The following ZNF346 variants were observed in gnomAD, a reference collection of about 807,000 sequenced individuals.
ZNF346 encodes double-stranded RNA-binding zinc finger protein JAZ.
A neutral mutation model predicts 33.7 loss-of-function variants in ZNF346; 23 were observed. That is an observed-to-expected ratio of 0.68 (90% CI 0.49 to 0.97). ZNF346 has a LOEUF of 0.97. Ranked by LOEUF, ZNF346 falls within the 50% of genes least tolerant of loss-of-function variation. The pLI is 0.00. For synonymous variants in ZNF346, 134 were observed against 142.4 expected, an observed-to-expected ratio of 0.94 and a Z score of 0.42; for missense variants, 340 against 371.1, an observed-to-expected ratio of 0.92 and a Z score of 0.69.
chr5:177,062,560 A>G (rs943976104), intron 6 of ZNF346, among the ~76,000 whole-genome samples: 2 of 152,032 alleles, frequency 1.3e-5, no homozygotes, highest in African/African-American at 4.8e-5. Context: ...TATATTGAGC[A>G]TCTTCTGAAT....
intron 1 of ZNF346, chr5:177,023,233 C>G (rs775140876): frequency 2.5e-5 from 38 of 1,535,396 alleles, no homozygotes; most frequent in Non-Finnish European, 3.1e-5. Context: ...TTTGCCATCC[C>G]GGTAAGCCAA....
Position 177,065,101 on chromosome 5 carries a change from A to C in ZNF346, c.*502A>C, listed in dbSNP as rs548190978. ...AATACGACACTCTGCCTTCCCCCAG[A>C]AGGTGCAGGCTTTCCTGAGTCTTAG... On this transcript the variant is annotated 3_prime_UTR_variant, in exon 7 of 7. Transcript: ENST00000358149. The C allele has an allele frequency of 6.4e-6, 1 of 156,572 alleles. No individual in the cohort carries two copies. The highest frequency in any genetic ancestry group is 1.9e-4 in the East Asian group (1 of 5,346). 9.7% of individuals were successfully genotyped at this position (156,572 alleles called of 1,614,324 possible). A position where few individuals can be genotyped will look rare whatever the true frequency, so the allele number is the denominator to read the frequency against.
intron 1 of ZNF346, among the ~76,000 whole-genome samples, chr5:177,027,366 G>A (rs1450131516): frequency 6.6e-6 from 1 of 151,984 alleles, no homozygotes; most frequent in African/African-American, 2.4e-5. Context: ...GTTATTTTCT[G>A]ACCTGCCTGG....
chr5:177,025,126 C>T (rs1445238870), intron 1 of ZNF346, among the ~76,000 whole-genome samples: 1 of 152,218 alleles, frequency 6.6e-6, no homozygotes, highest in Non-Finnish European at 1.5e-5. Context: ...TCCCCACTCC[C>T]ACCTCCTGCC....
chr5:177,053,859 C>T (rs1781304218), intron 5 of ZNF346, among the ~76,000 whole-genome samples: 1 of 152,156 alleles, frequency 6.6e-6, no homozygotes, highest in Non-Finnish European at 1.5e-5. Context: ...CCATGGATAT[C>T]TGAAATGGTG....
In ZNF346 at chr5:177,050,903, C is replaced by G. The variant is rs758340980; in HGVS notation, c.670C>G (p.Arg224Gly). The G allele has an allele frequency of 6.2e-7, 1 of 1,614,164 alleles. No individual in the cohort carries two copies. The highest frequency in any genetic ancestry group is 2.2e-5 in the East Asian group (1 of 44,880). Residue 224 changes from arginine (R) to glycine (G), a missense_variant, in exon 5 of 7, where the codon CGG becomes GGG. By Grantham distance (125) the Arg-to-Gly change is moderately radical. Coordinates refer to ENST00000358149, the MANE Select transcript of ZNF346 (RefSeq NM_012279.4). The stretch of plus-strand genomic sequence containing the variant: ...GCTCAAACTAATGGCACGCTATGGG[C>G]GGCTGGCGGACCCTGCTGTCACTGA... The part of the protein sequence containing the change: ...TKLKLMARYG[R>G]LADPAVTDFP...
At chr5:177,040,315 G>A (rs1043845151) in intron 1 of ZNF346, among the ~76,000 whole-genome samples, 1 of 152,008 alleles carries the variant, frequency 6.6e-6, no homozygotes, top group Admixed American at 6.6e-5. Context: ...TTCATATAGT[G>A]TGGCACTTAT....
At chr5:177,031,454 TAAG>T (rs763069700) in intron 1 of ZNF346, among the ~76,000 whole-genome samples, 1 of 152,242 alleles carries the variant, frequency 6.6e-6, no homozygotes, top group Non-Finnish European at 1.5e-5. Context: ...TGTTTTCAAA[TAAG>T]AAGTTGTCAT....
chr5:177,055,038 T>G (rs982638192), intron 5 of ZNF346, among the ~76,000 whole-genome samples: 1 of 150,920 alleles, frequency 6.6e-6, no homozygotes, highest in African/African-American at 2.4e-5. Context: ...ACGTAGGTTT[T>G]TTTTTTTTTT....
chr5:177,034,362 T>C, intron 1 of ZNF346, among the ~76,000 whole-genome samples: 1 of 152,022 alleles, frequency 6.6e-6, no homozygotes, highest in East Asian at 1.9e-4. Context: ...TAGCTGGGAC[T>C]GTAGGTGTGC....
chr5:177,035,760 C>T (rs1778414305), intron 1 of ZNF346, among the ~76,000 whole-genome samples: 1 of 32,544 alleles, frequency 3.1e-5, no homozygotes, highest in African/African-American at 2.0e-4. Context: ...CTCAGCCTCC[C>T]AAGTAGCTGG....
intron 1 of ZNF346, among the ~76,000 whole-genome samples, chr5:177,025,342 T>C (rs1395495532): frequency 3.3e-5 from 5 of 151,722 alleles, no homozygotes; most frequent in Non-Finnish European, 7.4e-5. Flanking sequence ...CAGTTTGGAG[T>C]TTTTGTGAAT....
intron 1 of ZNF346, among the ~76,000 whole-genome samples, chr5:177,030,236 G>C (rs1777474698): frequency 1.3e-5 from 2 of 151,962 alleles, no homozygotes; most frequent in Admixed American, 1.3e-4. Context: ...AAATATTTGA[G>C]GATTTCCCAG....
chr5:177,026,352 ATTTTTTTTTTT>A (rs59380094), intron 1 of ZNF346, among the ~76,000 whole-genome samples: 1 of 101,900 alleles, frequency 9.8e-6, no homozygotes, highest in Non-Finnish European at 1.9e-5. Context: ...TGGATTGGTA[ATTTTTTTTTTT>A]TTTTTTTTTT....
chr5:177,076,905 G>A (rs1783777495), intron 8 of ZNF346, among the ~76,000 whole-genome samples: 1 of 152,142 alleles, frequency 6.6e-6, no homozygotes, highest in South Asian at 2.1e-4. Context: ...GCTGGGCATG[G>A]TGACAGGTGC....
intron 1 of ZNF346, among the ~76,000 whole-genome samples, chr5:177,038,256 G>GTT (rs748931641): frequency 0.11 from 14,052 of 130,830 alleles, 956 homozygotes; most frequent in Non-Finnish European, 0.15. Flanking sequence ...GCCCAACTAC[G>GTT]TTTTTTTTTT....
At chr5:177,028,703 C>G (rs1233387525) in intron 1 of ZNF346, among the ~76,000 whole-genome samples, 3 of 118,360 alleles carry the variant, frequency 2.5e-5, no homozygotes, top group Non-Finnish European at 4.8e-5. Flanking sequence ...TAACAAGCCC[C>G]TTTCTTTTTT....
chr5:177,059,703 T>G (rs1782214420), intron 5 of ZNF346, among the ~76,000 whole-genome samples: 1 of 152,242 alleles, frequency 6.6e-6, no homozygotes, highest in African/African-American at 2.4e-5. Flanking sequence ...CCCCAGTTTC[T>G]TCAGCTTTTA....
At position 177,067,475 on chromosome 5, in the gene ZNF346, CCTT is replaced by C. The variant is rs1468367659; in HGVS notation, c.*2879_*2881del. Reference sequence around the variant, plus strand: ...GACTGCCTCAGCAATTCCCCAGAGTCCTTCTAAGCCACCTAGTATGTCAGATTC... The same window carrying C: ...GACTGCCTCAGCAATTCCCCAGAGTCCTAAGCCACCTAGTATGTCAGATTC... On this transcript the variant is annotated 3_prime_UTR_variant, in exon 7 of 7. Coordinates refer to ENST00000358149, the MANE Select transcript of ZNF346 (RefSeq NM_012279.4). Among the ~76,000 whole-genome samples the C allele has an allele frequency of 6.6e-6, 1 of 152,124 alleles. No individual in the cohort carries two copies. The highest frequency in any genetic ancestry group is 6.5e-5 in the Admixed American group (1 of 15,268).
Sources: allele counts gnomAD v4.1 joint callset (sites outside exome capture counted in the v4.1 genomes callset), GRCh38; gene constraint gnomAD v4.1.1; transcripts MANE v1.5; gene names NCBI Gene and HGNC (gene_info 2026-07-23, HGNC 2026-07-21).